Variants in MYOM1 observed in about 807,000 individuals in gnomAD.
MYOM1 encodes the protein myomesin 1, also known as myomesin-1.
Under a neutral mutation model 205.3 loss-of-function variants are expected in MYOM1, and 164 were observed. The ratio of observed to expected loss-of-function variants is 0.80; its 90% CI spans 0.70 to 0.91. The LOEUF (loss-of-function observed/expected upper bound fraction) is 0.91, where lower values mean the gene tolerates loss of function less well. Ranked by LOEUF, MYOM1 falls within the 40% of genes least tolerant of loss-of-function variation. MYOM1 has a pLI of 0.00. For missense variants in MYOM1, 2,011 were observed against 2,127.3 expected, an observed-to-expected ratio of 0.95 and a Z score of 1.08; for synonymous variants, 772 against 789.4, an observed-to-expected ratio of 0.98 and a Z score of 0.37.
intron 31 of MYOM1, among the ~76,000 whole-genome samples, 177 bp from the exon 32 acceptor site, chr18:3,084,204 G>A (rs2079123205): frequency 6.6e-6 from 1 of 152,090 alleles, no homozygotes; most frequent in South Asian, 2.1e-4. Context: ...ATTTTATCAG[G>A]TTTTAAAAGA....
intron 8 of MYOM1, among the ~76,000 whole-genome samples, chr18:3,171,540 C>T (rs149840254): frequency 6.6e-6 from 1 of 152,246 alleles, no homozygotes; most frequent in Non-Finnish European, 1.5e-5. Context: ...GAAGACAACA[C>T]ATCATTTCGT....
In MYOM1 at chr18:3,181,732, ATT is replaced by A. The variant is rs11448786; in HGVS notation, c.930-5600_930-5599del. Among the ~76,000 whole-genome samples, 245 of 127,030 alleles carry A rather than the reference ATT, an allele frequency of 1.9e-3. No individual in the cohort carries two copies. In the South Asian group the frequency reaches 0.025, roughly 13 times the overall value. The allele number at this position is 127,030 out of a possible 152,430, so 83.3% of individuals were successfully genotyped here. On this transcript the variant is annotated intron_variant, in intron 5 of 37. Transcript: ENST00000356443. ...AACGACCTTTGGGTGAAACTGAATA[ATT>A]TTTTTTTTTTTTTTTTTTGAGACAG...
rs2298536 is a variant in MYOM1 at position 3,075,874 on chromosome 18, C to G, written c.4649-113G>C. ...GTGATCGGTCCAGACATGACTAAAC[C>G]GACTTTGATTAAGACTGTGCTTATG... On this transcript the variant is annotated intron_variant, in intron 34 of 37. Transcript: ENST00000356443. 0.16 allele frequency: 141,421 copies of G among 900,250 alleles called. 12,972 individuals are homozygous for G. Among genetic ancestry groups the G allele is most frequent in the East Asian group, 0.19 (7,091 of 37,956 alleles). 55.8% of individuals were successfully genotyped at this position (900,250 alleles called of 1,614,324 possible).
At chr18:3,082,650 G>A (rs1436414991) in intron 33 of MYOM1, among the ~76,000 whole-genome samples, 4 of 152,098 alleles carry the variant, frequency 2.6e-5, no homozygotes, top group African/African-American at 7.2e-5. Context: ...ACATTCCATT[G>A]GATTATCTTT....
intron 13 of MYOM1, among the ~76,000 whole-genome samples, chr18:3,147,567 G>A (rs1202135203): frequency 6.6e-6 from 1 of 152,082 alleles, no homozygotes; most frequent in African/African-American, 2.4e-5. Context: ...GACTTATACT[G>A]ATTTGAAGAT....
chr18:3,239,782 A>G, the MYOM1 span, among the ~76,000 whole-genome samples: 1 of 149,708 alleles, frequency 6.7e-6, no homozygotes, highest in Admixed American at 6.6e-5. Context: ...AAAAAAAAAA[A>G]AGAAATTGAG....
At chr18:3,226,506 C>T in the MYOM1 span, among the ~76,000 whole-genome samples, 1 of 152,162 alleles carries the variant, frequency 6.6e-6, no homozygotes, top group African/African-American at 2.4e-5. The surrounding 1 kb of genome is among the most constrained non-coding windows in gnomAD (Gnocchi z 4.6). Flanking sequence ...AACTCCAGGA[C>T]TCCAGCACCC....
In MYOM1 at chr18:3,102,585, G is replaced by T. The variant is rs777660257; in HGVS notation, c.3464C>A (p.Ser1155Ter). 3 of 1,613,768 alleles carry T rather than the reference G, an allele frequency of 1.9e-6. No homozygotes were observed. Among genetic ancestry groups the T allele is most frequent in the Non-Finnish European group, 2.5e-6 (3 of 1,179,820 alleles). The change falls in exon 23 of 38, where the codon TCA becomes TAA. Residue 1155 changes from serine to a stop codon, truncating the protein, a stop_gained. Transcript: ENST00000356443. LOFTEE classifies it high-confidence loss of function. ...CATCTTATCACACTCGAAGTTCAAT[G>T]AAATGACTCCATCATCATCCACATT... ...VVNVDDDGVISLNFECDKMTP... is the reference protein window; with the variant it reads ...VVNVDDDGVI
At chr18:3,199,067 G>T (rs1273754071) in intron 2 of MYOM1, among the ~76,000 whole-genome samples, 7 of 152,126 alleles carry the variant, frequency 4.6e-5, no homozygotes, top group Non-Finnish European at 8.8e-5. Flanking sequence ...ACAAACAACT[G>T]AACTTCACGT....
intron 10 of MYOM1, among the ~76,000 whole-genome samples, chr18:3,156,557 C>T (rs2080304136): frequency 6.6e-6 from 1 of 151,944 alleles, no homozygotes; most frequent in Non-Finnish European, 1.5e-5. Flanking sequence ...TGCAGAATCT[C>T]TGCGTGCCAC....
intron 22 of MYOM1, among the ~76,000 whole-genome samples, chr18:3,107,255 C>T (rs1387944327): frequency 6.6e-6 from 1 of 152,076 alleles, no homozygotes; most frequent in Non-Finnish European, 1.5e-5. Context: ...GTGGGTGGGA[C>T]TACAGGCATG....
rs1401239131 is a variant in MYOM1, at chr18:3,135,437, T to A, written c.2209+110A>T. 1.0e-6 allele frequency: 1 copy of A among 968,706 alleles called. No homozygotes were observed. Among genetic ancestry groups the A allele is most frequent in the Non-Finnish European group, 1.5e-6 (1 of 669,408 alleles). 60.0% of individuals were successfully genotyped at this position (968,706 alleles called of 1,614,324 possible). On this transcript the variant is annotated intron_variant, in intron 15 of 37. Transcript: ENST00000356443. This position sits in a 1 kb window ranked among gnomAD's most constrained non-coding sequence, Gnocchi z 4.1. ...GTTAAGTACAGCCATCGAGTAAATTTATAATATGAAAGAAGGATGTCACCA... is the reference window on the plus strand; with the variant it reads ...GTTAAGTACAGCCATCGAGTAAATTAATAATATGAAAGAAGGATGTCACCA...
At chr18:3,126,930 GA>G (rs1395929004) in intron 18 of MYOM1, 33 bp from the exon 19 acceptor site, 1 of 1,555,772 alleles carries the variant, frequency 6.4e-7, no homozygotes, top group Non-Finnish European at 8.8e-7. Flanking sequence ...TGAGTAGGCA[GA>G]AATGCATTTA....
At chr18:3,148,486 C>G (rs2080161865) in intron 13 of MYOM1, among the ~76,000 whole-genome samples, 1 of 152,026 alleles carries the variant, frequency 6.6e-6, no homozygotes, top group South Asian at 2.1e-4. Context: ...GATGGGGAAA[C>G]ATGAAAAGGA....
At position 3,151,796 on chromosome 18, in the gene MYOM1, T is replaced by TA; in HGVS notation, c.1740dup (p.Ile581TyrfsTer9). ...TTATTCACAGCTCGAACTCGGAAGA[T>TA]ATAGGAACGACCTTCGATCAATCCA... On this transcript the variant is annotated frameshift_variant, in exon 12 of 38. Coordinates refer to ENST00000356443, the MANE Select transcript of MYOM1 (RefSeq NM_003803.4). LOFTEE classifies it high-confidence loss of function. The TA allele has an allele frequency of 6.2e-7, 1 of 1,613,964 alleles. No homozygotes were observed.
chr18:3,119,451 T>C (rs563510259), intron 20 of MYOM1, among the ~76,000 whole-genome samples: 20 of 152,210 alleles, frequency 1.3e-4, no homozygotes, highest in African/African-American at 4.8e-4. Flanking sequence ...CCCAGCAGCA[T>C]AACAATATAT....
In MYOM1 at chr18:3,067,496, C is replaced by A. The variant is rs769947882; in HGVS notation, c.4824G>T (p.Lys1608Asn). The change falls in exon 38 of 38, where the codon AAG becomes AAT. Residue 1608 changes from lysine (K) to asparagine (N), a missense_variant. Coordinates refer to ENST00000356443, the MANE Select transcript of MYOM1 (RefSeq NM_003803.4). ...CGTCTGAGGCCAGGGCCTTCTCGTT[C>A]TTCAACCACGACACCTCCGGAGGCG... ...GDPPPEVSWL[K>N]NEKALASDDH... The A allele has an allele frequency of 6.2e-7, 1 of 1,613,772 alleles. No homozygotes were observed. The highest frequency in any genetic ancestry group is 1.3e-5 in the African/African-American group (1 of 74,936).
rs376347807 is a variant in MYOM1, at chr18:3,214,913, G to A, written c.290+21C>T. The stretch of plus-strand genomic sequence containing the variant: ...CGCCTCTTCCTGAGGTTGGAAGGTT[G>A]GAGGAGGGCGTCCGACATACCCATG... On this transcript the variant is annotated intron_variant, in intron 2 of 37. Coordinates refer to ENST00000356443, the MANE Select transcript of MYOM1 (RefSeq NM_003803.4). 1.9e-5 allele frequency: 29 copies of A among 1,558,982 alleles called. No homozygotes were observed. The African/African-American group carries it at 3.7e-4, about 20-fold the overall frequency.
chr18:3,142,915 G>A (rs1462877667), intron 13 of MYOM1, among the ~76,000 whole-genome samples: 2 of 152,152 alleles, frequency 1.3e-5, no homozygotes, highest in Non-Finnish European at 2.9e-5. Flanking sequence ...GGAGGGAGGA[G>A]ACTGGAAATA....
Sources: allele counts gnomAD v4.1 joint callset (sites outside exome capture counted in the v4.1 genomes callset), GRCh38; gene constraint gnomAD v4.1.1; non-coding constraint Gnocchi (gnomAD v3.1); transcripts MANE v1.5; gene names NCBI Gene and HGNC (gene_info 2026-07-23, HGNC 2026-07-21).